The following AP4S1 variants were observed in gnomAD, a reference collection of about 807,000 sequenced individuals.
The protein encoded by AP4S1 is AP-4 complex subunit sigma-1.
Under a neutral mutation model 19.8 loss-of-function variants are expected in AP4S1, and 23 were observed. The ratio of observed to expected loss-of-function variants is 1.16; its 90% CI spans 0.84 to 1.65. AP4S1 has a LOEUF of 1.65. Ranked by LOEUF, AP4S1 falls within the 40% of genes most tolerant of loss-of-function variation. The pLI, the probability that AP4S1 is intolerant of heterozygous loss-of-function variation, is 0.00. For missense variants in AP4S1, 166 were observed against 172.8 expected (o/e 0.96, Z 0.22); for synonymous variants, 46 against 54.1 (o/e 0.85, Z 0.66).
At chr14:31,051,707 C>G (rs1885806350) in intron 1 of AP4S1, among the ~76,000 whole-genome samples, 1 of 152,154 alleles carries the variant, frequency 6.6e-6, no homozygotes, top group Admixed American at 6.6e-5. Flanking sequence ...GTCACACAGG[C>G]TGGAGTGCAG....
chr14:31,030,945 T>C (rs182811380), intron 1 of AP4S1, among the ~76,000 whole-genome samples: 3 of 152,214 alleles, frequency 2.0e-5, no homozygotes, highest in African/African-American at 7.2e-5. Context: ...GCAATTGATA[T>C]GGTTTGGCTC....
chr14:31,079,541 T>G (rs1477982187), intron 4 of AP4S1, among the ~76,000 whole-genome samples: 1 of 152,050 alleles, frequency 6.6e-6, no homozygotes, highest in Non-Finnish European at 1.5e-5. Context: ...AATGTATTTT[T>G]TGGCCAGGTA....
chr14:31,054,330 TAAAC>T (rs1247383405), intron 1 of AP4S1, among the ~76,000 whole-genome samples: 6 of 152,280 alleles, frequency 3.9e-5, no homozygotes, highest in Non-Finnish European at 8.8e-5. Context: ...ATTGAGTAAA[TAAAC>T]AAATGACCTG....
chr14:31,058,405 A>G (rs1005244245), intron 1 of AP4S1, among the ~76,000 whole-genome samples: 2 of 152,100 alleles, frequency 1.3e-5, no homozygotes, highest in African/African-American at 4.8e-5. Flanking sequence ...TGCTTTCCCC[A>G]GTGAAGTTGC....
At chr14:31,087,165 G>A (rs919472241) in intron 5 of AP4S1, among the ~76,000 whole-genome samples, 3 of 152,066 alleles carry the variant, frequency 2.0e-5, no homozygotes, top group Non-Finnish European at 4.4e-5. Context: ...GCCTCCCATA[G>A]GGCTGGGTGA....
At chr14:31,035,223 T>A (rs1238013379) in intron 1 of AP4S1, among the ~76,000 whole-genome samples, 1 of 123,808 alleles carries the variant, frequency 8.1e-6, no homozygotes, top group Non-Finnish European at 1.6e-5. Flanking sequence ...TGAGATGGAG[T>A]CTAGCTCTAT....
At chr14:31,061,065 T>C (rs532992739) in intron 1 of AP4S1, among the ~76,000 whole-genome samples, 2 of 152,228 alleles carry the variant, frequency 1.3e-5, no homozygotes, top group South Asian at 4.1e-4. Flanking sequence ...AATTTTTTTG[T>C]ATTTTAGTAG....
chr14:31,076,265 C>T (rs964245831), intron 4 of AP4S1, among the ~76,000 whole-genome samples: 1 of 152,144 alleles, frequency 6.6e-6, no homozygotes, highest in African/African-American at 2.4e-5. Flanking sequence ...TTCAAATTCC[C>T]ATCAGGAGTG....
intron 1 of AP4S1, chr14:31,026,818 T>C (rs959979476): frequency 6.6e-6 from 1 of 152,362 alleles, no homozygotes; most frequent in Non-Finnish European, 1.5e-5. Context: ...CTGGTCGCTC[T>C]GGCCGACCGC....
At chr14:31,090,703 C>T (rs1425682703) in intron 5 of AP4S1, among the ~76,000 whole-genome samples, 2 of 152,226 alleles carry the variant, frequency 1.3e-5, no homozygotes, top group Non-Finnish European at 2.9e-5. Context: ...GCTTACCTGG[C>T]ACATGGCCTA....
At chr14:31,028,770 T>C (rs1310411093) in intron 1 of AP4S1, among the ~76,000 whole-genome samples, 1 of 152,030 alleles carries the variant, frequency 6.6e-6, no homozygotes, top group Non-Finnish European at 1.5e-5. Flanking sequence ...AAAAATTAGC[T>C]GGGCGTGGTG....
intron 1 of AP4S1, among the ~76,000 whole-genome samples, chr14:31,045,984 G>A (rs1034760348): frequency 1.1e-5 from 1 of 88,378 alleles, no homozygotes; most frequent in Non-Finnish European, 2.3e-5. Context: ...TTTTTTTTTT[G>A]AGACGGAGTT....
chr14:31,026,253 G>A, intron 1 of AP4S1: 1 of 1,337,596 alleles, frequency 7.5e-7, no homozygotes, highest in East Asian at 3.1e-5. Flanking sequence ...CGGAGAGGGT[G>A]GCCCCGCGCT....
rs117589403 is a variant in AP4S1, at chr14:31,079,497, A to G, written c.295-1076A>G. The stretch of plus-strand genomic sequence containing the variant: ...GGGAAGGCTGTACCTTCCCCTCAAT[A>G]TTGCTGTGAACCTAAAACTGCTCTT... On this transcript the variant is annotated intron_variant, in intron 4 of 5. Transcript: ENST00000542754. 7.2e-4 allele frequency among the ~76,000 whole-genome samples: 109 copies of G among 152,150 alleles called. No homozygotes were observed. In the East Asian group the frequency reaches 0.017, roughly 23 times the overall value.
chr14:31,082,992 A>C (rs1164609718), intron 5 of AP4S1, among the ~76,000 whole-genome samples: 1 of 152,212 alleles, frequency 6.6e-6, no homozygotes, highest in Non-Finnish European at 1.5e-5. Flanking sequence ...GTTACCTTAC[A>C]TCTAAAACAG....
chr14:31,055,571 A>G (rs1410714908), intron 1 of AP4S1, among the ~76,000 whole-genome samples: 1 of 152,230 alleles, frequency 6.6e-6, no homozygotes, highest in East Asian at 1.9e-4. Context: ...AGAGCCAAGC[A>G]GTCAGGCTCC....
At chr14:31,047,993 T>C (rs1213878140) in intron 1 of AP4S1, among the ~76,000 whole-genome samples, 1 of 152,094 alleles carries the variant, frequency 6.6e-6, no homozygotes, top group Non-Finnish European at 1.5e-5. Flanking sequence ...TTGTTTTTTC[T>C]GAAAGTTTAT....
chr14:31,092,859 ATGTT>A (rs1888111216), intron 5 of AP4S1, 44 bp from the exon 6 acceptor site: 1 of 1,396,960 alleles, frequency 7.2e-7, no homozygotes, highest in Admixed American at 2.4e-5. Flanking sequence ...TTTTTACTGA[ATGTT>A]AATAATTTTT....
chr14:31,069,883 G>A lies in AP4S1; in HGVS notation c.179G>A (p.Arg60Gln), dbSNP rs370582826. The A allele has an allele frequency of 8.1e-6, 13 of 1,613,332 alleles. No individual in the cohort carries two copies. Among genetic ancestry groups the A allele is most frequent in the Middle Eastern group, 1.6e-4 (1 of 6,082 alleles). Residue 60 changes from arginine to glutamine, a missense_variant, in exon 3 of 6, where the codon CGG becomes CAG. Physicochemically the swap from Arg to Gln is conservative, Grantham distance 43 (BLOSUM62 1). Coordinates refer to ENST00000542754, the MANE Select transcript of AP4S1 (RefSeq NM_001128126.3). The part of the protein sequence containing the change: ...IEYKDFKLIY[R>Q]QYAALFIVVG... ...TATAAGGATTTTAAGCTGATATATC[G>A]GCAGTATGCAGCTCTCTTCATTGTG... is the stretch of plus-strand genomic sequence containing the variant.
Sources: allele counts gnomAD v4.1 joint callset (sites outside exome capture counted in the v4.1 genomes callset), GRCh38; gene constraint gnomAD v4.1.1; transcripts MANE v1.5; gene names NCBI Gene and HGNC (gene_info 2026-07-23, HGNC 2026-07-21).